Variants in MMRN1 observed in about 807,000 individuals in gnomAD.
MMRN1 encodes the protein multimerin 1.
In MMRN1, 94 loss-of-function variants were observed where a neutral mutation model predicts 100.7. That is an observed-to-expected ratio of 0.93 (90% CI 0.79 to 1.11). The LOEUF is 1.11. Ranked by LOEUF, MMRN1 falls within the 50% of genes least tolerant of loss-of-function variation. The probability of loss-of-function intolerance (pLI) is 0.00; values close to 1 mark genes in which losing one functional copy is unlikely to be tolerated. For synonymous variants in MMRN1, 575 were observed against 505.0 expected (o/e 1.14, Z -1.86); for missense variants, 1,606 against 1,439.1 (o/e 1.12, Z -1.88).
At chr4:89,901,431 G>T (rs1027841926) in intron 1 of MMRN1, among the ~76,000 whole-genome samples, 1 of 151,872 alleles carries the variant, frequency 6.6e-6, no homozygotes, top group Non-Finnish European at 1.5e-5. Flanking sequence ...TGACAAATTA[G>T]AAAATTACAA....
At chr4:89,898,334 G>A (rs959775711) in intron 1 of MMRN1, among the ~76,000 whole-genome samples, 1 of 151,962 alleles carries the variant, frequency 6.6e-6, no homozygotes, top group Non-Finnish European at 1.5e-5. Flanking sequence ...TTTCTTTACA[G>A]AGGGATTAAG....
intron 5 of MMRN1, among the ~76,000 whole-genome samples, chr4:89,932,521 T>G (rs1177481545): frequency 6.6e-6 from 1 of 152,178 alleles, no homozygotes; most frequent in African/African-American, 2.4e-5. Flanking sequence ...AGAGGTTCTC[T>G]ATGAAGGCTG....
At chr4:89,925,340 G>A (rs1356223733) in intron 4 of MMRN1, among the ~76,000 whole-genome samples, 2 of 130,440 alleles carry the variant, frequency 1.5e-5, no homozygotes, top group African/African-American at 3.0e-5. Context: ...TAGAGACGAG[G>A]TTTAGCCATG....
At chr4:89,914,623 A>G (rs1721856921) in intron 3 of MMRN1, among the ~76,000 whole-genome samples, 1 of 151,556 alleles carries the variant, frequency 6.6e-6, no homozygotes, top group Non-Finnish European at 1.5e-5. Flanking sequence ...TTTCAAACAT[A>G]TATATTTGTA....
Position 89,895,163 on chromosome 4 carries a change from G to C in MMRN1, c.192G>C (p.Glu64Asp). ...CAACCACTCGGGTCATGTCGGCGGA[G>C]ATAGCTACAACTCCAGAGGCAAGAA... ...ILPTTRVMSA[E>D]IATTPEARTS... The change falls in exon 1 of 8, where the codon GAG becomes GAC. Residue 64 changes from glutamate (E) to aspartate (D), a missense_variant. Transcript: ENST00000264790. The C allele has an allele frequency of 6.2e-7, 1 of 1,613,826 alleles. No homozygotes were observed. The highest frequency in any genetic ancestry group is 8.5e-7 in the Non-Finnish European group (1 of 1,179,898).
chr4:89,916,329 T>C (rs1721914639), intron 3 of MMRN1, among the ~76,000 whole-genome samples: 1 of 150,462 alleles, frequency 6.6e-6, no homozygotes. Flanking sequence ...AGTTGTTTCT[T>C]TTATTCAGGA....
At chr4:89,906,144 C>T (rs1264720916) in intron 1 of MMRN1, among the ~76,000 whole-genome samples, 1 of 151,376 alleles carries the variant, frequency 6.6e-6, no homozygotes, top group Non-Finnish European at 1.5e-5. Context: ...TTACATTAGT[C>T]TTTTCACTAG....
intron 6 of MMRN1, among the ~76,000 whole-genome samples, chr4:89,949,419 A>G (rs988805261): frequency 2.0e-5 from 3 of 152,232 alleles, no homozygotes; most frequent in Admixed American, 6.5e-5. Context: ...TCACTGTGCT[A>G]AATTCAGAGA....
At chr4:89,917,351 A>G (rs1039341848) in intron 3 of MMRN1, among the ~76,000 whole-genome samples, 1 of 151,864 alleles carries the variant, frequency 6.6e-6, no homozygotes, top group African/African-American at 2.4e-5. Flanking sequence ...ATCCTGTGTA[A>G]AATGCTTTTG....
At chr4:89,885,393 A>G (rs1720913482) in intron 1 of MMRN1, among the ~76,000 whole-genome samples, 1 of 151,918 alleles carries the variant, frequency 6.6e-6, no homozygotes, top group South Asian at 2.1e-4. Context: ...TTTTTCTTGA[A>G]ATTTTTTTTG....
Position 89,935,867 on chromosome 4 carries a change from T to A in MMRN1, c.2187T>A (p.Asn729Lys). 6 of 1,611,904 alleles carry A rather than the reference T, an allele frequency of 3.7e-6. No homozygotes were observed. Among genetic ancestry groups the A allele is most frequent in the Non-Finnish European group, 5.1e-6 (6 of 1,178,976 alleles). ...EYALEMEDGL[N>K]KTMTIINNAI... is the part of the protein sequence containing the mutation. ...CCTTAGAAATGGAAGATGGCCTCAA[T>A]AAGACAATGACTATTATAAATAATG... The change falls in exon 6 of 8, where the codon AAT becomes AAA. Residue 729 changes from asparagine to lysine, a missense_variant. Coordinates refer to ENST00000264790, the MANE Select transcript of MMRN1 (RefSeq NM_007351.3).
In MMRN1 at chr4:89,935,608, C is replaced by T; in HGVS notation, c.1928C>T (p.Thr643Ile). ...DKMSEQLNDL[T>I]YDMEILQPLL... is the part of the protein sequence containing the mutation. The stretch of plus-strand genomic sequence containing the variant: ...ATGAGTGAGCAACTAAATGATTTGA[C>T]TTATGATATGGAGATCCTTCAACCC... Residue 643 changes from threonine to isoleucine, a missense_variant, in exon 6 of 8, where the codon ACT becomes ATT. By Grantham distance (89) the Thr-to-Ile change is moderately conservative (BLOSUM62 -1). Coordinates refer to ENST00000264790, the MANE Select transcript of MMRN1 (RefSeq NM_007351.3). 1.2e-6 allele frequency: 2 copies of T among 1,613,534 alleles called. No homozygotes were observed. Among genetic ancestry groups the T allele is most frequent in the Non-Finnish European group, 1.7e-6 (2 of 1,179,726 alleles).
chr4:89,910,982 T>G (rs917112884), intron 2 of MMRN1, among the ~76,000 whole-genome samples: 1 of 151,432 alleles, frequency 6.6e-6, no homozygotes, highest in African/African-American at 2.4e-5. Flanking sequence ...CCACATGACA[T>G]GGGCTAAAAT....
At chr4:89,917,356 C>A (rs892040766) in intron 3 of MMRN1, among the ~76,000 whole-genome samples, 1 of 151,692 alleles carries the variant, frequency 6.6e-6, no homozygotes, top group Non-Finnish European at 1.5e-5. Context: ...GTGTAAAATG[C>A]TTTTGTGATT....
intron 1 of MMRN1, among the ~76,000 whole-genome samples, chr4:89,897,180 G>A (rs944195589): frequency 4.0e-5 from 6 of 151,750 alleles, no homozygotes; most frequent in Non-Finnish European, 8.8e-5. Context: ...CATGGGAAAC[G>A]ATTGTGAGCT....
At position 89,935,432 on chromosome 4, in the gene MMRN1, G is replaced by T; in HGVS notation, c.1752G>T (p.Glu584Asp). ...INNLTVSLEM[E>D]KESLRGECED... ...ATCTCACCGTCTCTTTGGAGATGGA[G>T]AAAGAGTCTCTCAGAGGTGAATGTG... The change falls in exon 6 of 8, where the codon GAG becomes GAT. Residue 584 changes from glutamate to aspartate, a missense_variant. Coordinates refer to ENST00000264790, the MANE Select transcript of MMRN1 (RefSeq NM_007351.3). The T allele has an allele frequency of 6.2e-7, 1 of 1,613,520 alleles. No individual in the cohort carries two copies. Among genetic ancestry groups the T allele is most frequent in the Non-Finnish European group, 8.5e-7 (1 of 1,179,752 alleles).
intron 3 of MMRN1, among the ~76,000 whole-genome samples, chr4:89,912,686 G>A (rs866596837): frequency 2.0e-5 from 3 of 150,942 alleles, no homozygotes; most frequent in African/African-American, 4.9e-5. Context: ...ATAAGATACA[G>A]CATCAGCATA....
rs144518545 is a variant in MMRN1, at chr4:89,916,495, T to C, written c.850+4445T>C. On this transcript the variant is annotated intron_variant, in intron 3 of 7. Coordinates refer to ENST00000264790, the MANE Select transcript of MMRN1 (RefSeq NM_007351.3). ...TGACATTTAATACTAAAAAAGTTAA[T>C]CACATTTTCTTTCAAATTAGTGATG... Among the ~76,000 whole-genome samples the C allele has an allele frequency of 6.0e-3, 914 of 151,754 alleles. 7 individuals are homozygous for C. The highest frequency in any genetic ancestry group is 9.2e-3 in the Non-Finnish European group (623 of 67,758).
chr4:89,900,830 G>A (rs572961255), intron 1 of MMRN1, among the ~76,000 whole-genome samples: 1 of 152,144 alleles, frequency 6.6e-6, no homozygotes, highest in Non-Finnish European at 1.5e-5. Flanking sequence ...AAAGAAAGAA[G>A]GACCTTGAAT....
Sources: allele counts gnomAD v4.1 joint callset (sites outside exome capture counted in the v4.1 genomes callset), GRCh38; gene constraint gnomAD v4.1.1; transcripts MANE v1.5; gene names NCBI Gene and HGNC (gene_info 2026-07-23, HGNC 2026-07-21).